CLEC16A: variants seen among roughly 807,000 people sequenced by gnomAD.
CLEC16A encodes the protein protein CLEC16A.
In CLEC16A, 51 loss-of-function variants were observed where a neutral mutation model predicts 109.5. The observed-to-expected ratio is 0.47, with a 90% CI of 0.37 to 0.59. The LOEUF (loss-of-function observed/expected upper bound fraction) is 0.59. Among genes scored for constraint, CLEC16A ranks in the 20% least tolerant of loss-of-function variants. The pLI is 0.00. For missense variants in CLEC16A, 1,339 were observed against 1,394.0 expected, an observed-to-expected ratio of 0.96 and a Z score of 0.63; for synonymous variants, 673 against 564.2, an observed-to-expected ratio of 1.19 and a Z score of -2.73.
intron 19 of CLEC16A, among the ~76,000 whole-genome samples, chr16:11,119,413 G>C (rs1300637784): frequency 6.6e-6 from 1 of 152,040 alleles, no homozygotes; most frequent in African/African-American, 2.4e-5. Context: ...TTTGTTTTGA[G>C]ACCAGGTCTC....
chr16:11,145,358 A>C (rs1199730290), intron 22 of CLEC16A, among the ~76,000 whole-genome samples: 1 of 152,190 alleles, frequency 6.6e-6, no homozygotes, highest in African/African-American at 2.4e-5. Flanking sequence ...CTTGAGTCAC[A>C]CAGCTGGAGC....
rs1194480959 is a variant in CLEC16A, at chr16:11,148,515, A to AATGATG, written c.2642-17873_2642-17872insATGATG. Among the ~76,000 whole-genome samples, 7 of 152,372 alleles carry AATGATG rather than the reference A, an allele frequency of 4.6e-5. 1 individual carries two copies. The Middle Eastern group carries it at 0.014, about 296-fold the overall frequency. ...CTTAATCCTCACAATGATGTATGAC[A>AATGATG]TAGGGATTATTTCCCCCATATTATG... On this transcript the variant is annotated intron_variant, in intron 22 of 23. Transcript: ENST00000409790.
At chr16:10,978,088 G>A (rs975804385) in intron 8 of CLEC16A, among the ~76,000 whole-genome samples, 3 of 152,204 alleles carry the variant, frequency 2.0e-5, no homozygotes, top group Admixed American at 2.0e-4. Flanking sequence ...CAGAACTTGC[G>A]CAGCATGGAG....
chr16:11,152,211 G>A (rs1450107210), intron 22 of CLEC16A, among the ~76,000 whole-genome samples: 1 of 152,302 alleles, frequency 6.6e-6, no homozygotes, highest in South Asian at 2.1e-4. Context: ...AAAGAAAGTG[G>A]AAGCCTTAGG....
chr16:11,176,747 A>G (rs1473134987), intron 23 of CLEC16A, among the ~76,000 whole-genome samples: 2 of 152,132 alleles, frequency 1.3e-5, no homozygotes, highest in East Asian at 3.9e-4. Flanking sequence ...CAAAAAAACA[A>G]AAGAAATGAA....
chr16:11,157,177 A>G lies in CLEC16A; in HGVS notation c.2642-9211A>G, dbSNP rs900870465. 4 of 1,265,768 alleles carry G rather than the reference A, an allele frequency of 3.2e-6. 1 individual carries two copies. The East Asian group carries it at 1.7e-4, about 54-fold the overall frequency. 78.4% of individuals were successfully genotyped at this position (1,265,768 alleles called of 1,614,324 possible). On this transcript the variant is annotated intron_variant, in intron 22 of 23. Coordinates refer to ENST00000409790, the MANE Select transcript of CLEC16A (RefSeq NM_015226.3). The stretch of plus-strand genomic sequence containing the variant: ...GTTCCCAGCTATTTTTGTATGTTGG[A>G]CATGTTATCCGTTGAAAAGCAATCA...
chr16:11,137,195 T>TC (rs1456960878), intron 22 of CLEC16A, among the ~76,000 whole-genome samples: 1 of 151,970 alleles, frequency 6.6e-6, no homozygotes, highest in African/African-American at 2.4e-5. Context: ...TGGTGTTTTT[T>TC]TTCTTTGCTT....
chr16:11,042,699 A>G (rs984090514), intron 15 of CLEC16A, among the ~76,000 whole-genome samples: 3 of 152,148 alleles, frequency 2.0e-5, no homozygotes, highest in Admixed American at 1.3e-4. Context: ...ACACATACAC[A>G]CATTGATTAT....
At chr16:11,115,464 C>G (rs2051915702) in intron 19 of CLEC16A, among the ~76,000 whole-genome samples, 1 of 152,178 alleles carries the variant, frequency 6.6e-6, no homozygotes, top group Non-Finnish European at 1.5e-5. Context: ...CTCAACCTCC[C>G]TGGGCTCAAG....
At chr16:10,966,005 A>T (rs967535956) in intron 3 of CLEC16A, among the ~76,000 whole-genome samples, 3 of 152,076 alleles carry the variant, frequency 2.0e-5, no homozygotes, top group African/African-American at 7.3e-5. Context: ...GCTCAGTAAG[A>T]CACCCCAACA....
intron 20 of CLEC16A, among the ~76,000 whole-genome samples, chr16:11,121,011 C>T (rs1030461949): frequency 3.9e-5 from 6 of 152,158 alleles, no homozygotes; most frequent in African/African-American, 1.4e-4. Flanking sequence ...CAGAGATAAT[C>T]TTCATTATCA....
At chr16:11,127,863 C>T (rs994774075) in intron 22 of CLEC16A, among the ~76,000 whole-genome samples, 7 of 152,122 alleles carry the variant, frequency 4.6e-5, no homozygotes, top group Admixed American at 1.3e-4. Flanking sequence ...GAGTGAGACC[C>T]TGTCTCAAAA....
At chr16:10,946,802 A>T (rs919461780) in intron 1 of CLEC16A, among the ~76,000 whole-genome samples, 4 of 152,200 alleles carry the variant, frequency 2.6e-5, no homozygotes, top group African/African-American at 9.7e-5. Context: ...GAGTTACAGG[A>T]ACCATTATTG....
chr16:10,996,222 C>T (rs1478017341), intron 10 of CLEC16A, among the ~76,000 whole-genome samples: 1 of 152,204 alleles, frequency 6.6e-6, no homozygotes, highest in Non-Finnish European at 1.5e-5. Flanking sequence ...TCTTCTGAGG[C>T]TGTGAGCCTG....
intron 8 of CLEC16A, among the ~76,000 whole-genome samples, chr16:10,978,481 G>T (rs1452767724): frequency 2.0e-5 from 3 of 152,044 alleles, no homozygotes; most frequent in Non-Finnish European, 4.4e-5. Flanking sequence ...CATGTTGGCC[G>T]GGCTGGTCTC....
chr16:11,075,813 C>T (rs766647422), intron 19 of CLEC16A, among the ~76,000 whole-genome samples: 5 of 152,086 alleles, frequency 3.3e-5, no homozygotes, highest in African/African-American at 9.7e-5. Context: ...CGCTGCCTAT[C>T]AGTGTTTAGC....
At chr16:11,157,028 A>G (rs1301983947) in intron 22 of CLEC16A, 1 of 1,287,258 alleles carries the variant, frequency 7.8e-7, no homozygotes, top group South Asian at 1.3e-5. Flanking sequence ...CACAATTAGG[A>G]CACAGAGAGA....
chr16:11,085,990 G>C (rs990277413), intron 19 of CLEC16A, among the ~76,000 whole-genome samples: 14 of 152,238 alleles, frequency 9.2e-5, no homozygotes, highest in African/African-American at 3.4e-4. Context: ...TCTTCAGCTA[G>C]TCCTCTGGGC....
At chr16:11,136,540 CATT>C (rs1281298499) in intron 22 of CLEC16A, among the ~76,000 whole-genome samples, 1 of 152,186 alleles carries the variant, frequency 6.6e-6, no homozygotes, top group Non-Finnish European at 1.5e-5. Flanking sequence ...CTTTTCTACA[CATT>C]AATCAATTAG....
Sources: gnomAD v4.1 joint callset for allele counts (sites outside exome capture counted in the v4.1 genomes callset) on GRCh38, gnomAD v4.1.1 for gene constraint, MANE v1.5 for transcripts, NCBI Gene and HGNC (gene_info 2026-07-23, HGNC 2026-07-21) for gene names.